WDFY2: variants seen among roughly 807,000 people sequenced by gnomAD.
WDFY2 encodes the protein WD repeat and FYVE domain-containing protein 2.
In WDFY2, 36 loss-of-function variants were observed where a neutral mutation model predicts 56.4. That is an observed-to-expected ratio of 0.64 (90% CI 0.49 to 0.84). The LOEUF (loss-of-function observed/expected upper bound fraction) is 0.84. Among genes scored for constraint, WDFY2 ranks in the 40% least tolerant of loss-of-function variants. The pLI, the probability that WDFY2 is intolerant of heterozygous loss-of-function variation, is 0.00. For missense variants in WDFY2, 444 were observed against 512.2 expected, an observed-to-expected ratio of 0.87 and a Z score of 1.29; for synonymous variants, 176 against 183.7, an observed-to-expected ratio of 0.96 and a Z score of 0.34.
At position 51,740,266 on chromosome 13, in the gene WDFY2, G is replaced by C. The variant is rs142217010; in HGVS notation, c.725+1091G>C. On this transcript the variant is annotated intron_variant, in intron 7 of 11. Transcript: ENST00000298125. ...CCCTTCTTTCTCATGTTGGAGAACAGAACAGCTGTCTGGGGTCACTCCTGG... is the reference window on the plus strand; with the variant it reads ...CCCTTCTTTCTCATGTTGGAGAACACAACAGCTGTCTGGGGTCACTCCTGG... Among the ~76,000 whole-genome samples the C allele has an allele frequency of 1.1e-4, 17 of 152,358 alleles. 1 individual carries two copies. In the East Asian group the frequency reaches 2.9e-3, roughly 26 times the overall value.
At chr13:51,630,940 A>G (rs1954940256) in intron 1 of WDFY2, among the ~76,000 whole-genome samples, 1 of 151,228 alleles carries the variant, frequency 6.6e-6, no homozygotes, top group Admixed American at 6.6e-5. Flanking sequence ...CACCACGCCC[A>G]GCTAATTTTC....
Position 51,760,400 on chromosome 13 carries a change from A to T in WDFY2, c.*631A>T, listed in dbSNP as rs1039080081. 10 of 152,090 alleles carry T rather than the reference A, an allele frequency of 6.6e-5. No individual in the cohort carries two copies. The highest frequency in any genetic ancestry group is 2.4e-4 in the African/African-American group (10 of 41,398). 9.4% of individuals were successfully genotyped at this position (152,090 alleles called of 1,614,324 possible). Reference sequence around the variant, plus strand: ...TAATGTCTGCCTCATTCACGTTCTTATGAAGTAGAAAAGACTGTGTTTCTG... The same window carrying T: ...TAATGTCTGCCTCATTCACGTTCTTTTGAAGTAGAAAAGACTGTGTTTCTG... On this transcript the variant is annotated 3_prime_UTR_variant, in exon 12 of 12. Transcript: ENST00000298125.
chr13:51,624,780 T>C (rs1384701683), intron 1 of WDFY2, among the ~76,000 whole-genome samples: 2 of 151,616 alleles, frequency 1.3e-5, no homozygotes, highest in Admixed American at 6.6e-5. Flanking sequence ...CTGAAGGAGG[T>C]TGGGGGGTTT....
intron 2 of WDFY2, among the ~76,000 whole-genome samples, chr13:51,666,586 A>G (rs1955704823): frequency 6.6e-6 from 1 of 152,168 alleles, no homozygotes. Flanking sequence ...TTCCATGTGT[A>G]TTATGAGGCA....
intron 4 of WDFY2, among the ~76,000 whole-genome samples, chr13:51,705,540 G>C (rs1185096551): frequency 6.6e-6 from 1 of 151,500 alleles, no homozygotes; most frequent in South Asian, 2.1e-4. Context: ...CTCCTCCACA[G>C]TTCTCACTTG....
At chr13:51,644,310 C>T (rs573932963) in intron 1 of WDFY2, among the ~76,000 whole-genome samples, 1 of 152,234 alleles carries the variant, frequency 6.6e-6, no homozygotes, top group East Asian at 1.9e-4. Context: ...CTTTTCCTTC[C>T]CCCTCTCGAG....
At chr13:51,609,751 G>T (rs956940171) in intron 1 of WDFY2, among the ~76,000 whole-genome samples, 5 of 152,132 alleles carry the variant, frequency 3.3e-5, no homozygotes, top group African/African-American at 1.2e-4. Flanking sequence ...AATTCAGTGT[G>T]AGAGATTGCC....
intron 6 of WDFY2, among the ~76,000 whole-genome samples, chr13:51,729,957 G>T (rs1952687175): frequency 6.6e-6 from 1 of 152,068 alleles, no homozygotes; most frequent in Admixed American, 6.6e-5. Flanking sequence ...CTGAAACTCT[G>T]TTCCCTTGGA....
chr13:51,681,103 T>C (rs761958066), intron 3 of WDFY2, among the ~76,000 whole-genome samples: 6 of 152,204 alleles, frequency 3.9e-5, no homozygotes, highest in Non-Finnish European at 7.3e-5. Context: ...GGTAAGGTCA[T>C]GTTCTACGGT....
chr13:51,624,604 A>G (rs1954806036), intron 1 of WDFY2, among the ~76,000 whole-genome samples: 1 of 152,254 alleles, frequency 6.6e-6, no homozygotes, highest in African/African-American at 2.4e-5. Flanking sequence ...AGCAATGATC[A>G]TGATTGATAA....
At chr13:51,625,777 C>T (rs1203229595) in intron 1 of WDFY2, among the ~76,000 whole-genome samples, 3 of 152,132 alleles carry the variant, frequency 2.0e-5, no homozygotes, top group Non-Finnish European at 2.9e-5. Flanking sequence ...TGGCTGAGGG[C>T]GGAATGCTGA....
chr13:51,653,021 C>G (rs942455743), intron 1 of WDFY2, among the ~76,000 whole-genome samples: 5 of 152,168 alleles, frequency 3.3e-5, no homozygotes, highest in South Asian at 2.1e-4. Context: ...GTTCCATTCT[C>G]CCCGTCACTT....
At chr13:51,672,937 G>T (rs890816384) in intron 2 of WDFY2, among the ~76,000 whole-genome samples, 1 of 152,142 alleles carries the variant, frequency 6.6e-6, no homozygotes, top group African/African-American at 2.4e-5. Context: ...TATAGGAACG[G>T]TTCTTTACTT....
chr13:51,740,413 GAGA>G (rs1476823027), intron 7 of WDFY2, among the ~76,000 whole-genome samples: 1 of 152,134 alleles, frequency 6.6e-6, no homozygotes, highest in Non-Finnish European at 1.5e-5. Flanking sequence ...ATCCACGTAA[GAGA>G]AGAAAAAAGG....
At chr13:51,680,471 C>T (rs536066640) in intron 3 of WDFY2, among the ~76,000 whole-genome samples, 9 of 152,188 alleles carry the variant, frequency 5.9e-5, no homozygotes, top group African/African-American at 2.2e-4. Context: ...ATGATCCTGT[C>T]TTAGTTACAT....
Position 51,703,587 on chromosome 13 carries a change from C to A in WDFY2, c.280-9C>A, listed in dbSNP as rs751072349. 6.3e-7 allele frequency: 1 copy of A among 1,586,526 alleles called. No individual in the cohort carries two copies. The highest frequency in any genetic ancestry group is 2.2e-5 in the East Asian group (1 of 44,470). On this transcript the variant is annotated splice_polypyrimidine_tract_variant and intron_variant, in intron 3 of 11. Coordinates refer to ENST00000298125, the MANE Select transcript of WDFY2 (RefSeq NM_052950.4). Reference sequence around the variant, plus strand: ...TATTTTTGTTTAATAGTTTTCTTTTCTTTTACAGGAGTTTATATTGTCAGA... The same window carrying A: ...TATTTTTGTTTAATAGTTTTCTTTTATTTTACAGGAGTTTATATTGTCAGA...
At chr13:51,629,112 A>G (rs1276197377) in intron 1 of WDFY2, among the ~76,000 whole-genome samples, 1 of 152,202 alleles carries the variant, frequency 6.6e-6, no homozygotes, top group East Asian at 1.9e-4. Context: ...CTATGAAACT[A>G]AGGGATAAGT....
chr13:51,642,910 T>G (rs983589493), intron 1 of WDFY2, among the ~76,000 whole-genome samples: 3 of 151,992 alleles, frequency 2.0e-5, no homozygotes, highest in Admixed American at 6.5e-5. Context: ...TCTCTTGACC[T>G]CGTGATCCGC....
chr13:51,749,285 C>T (rs902632220), intron 7 of WDFY2, among the ~76,000 whole-genome samples: 1 of 152,082 alleles, frequency 6.6e-6, no homozygotes, highest in African/African-American at 2.4e-5. Flanking sequence ...TCTTTGGTGT[C>T]GTCAAATAAG....
Sources: allele counts gnomAD v4.1 joint callset (sites outside exome capture counted in the v4.1 genomes callset), GRCh38; gene constraint gnomAD v4.1.1; transcripts MANE v1.5; gene names NCBI Gene and HGNC (gene_info 2026-07-23, HGNC 2026-07-21).